UBE2H: variants seen among roughly 807,000 people sequenced by gnomAD.
UBE2H encodes the protein ubiquitin-conjugating enzyme E2 H.
In UBE2H, 3 loss-of-function variants were observed where a neutral mutation model predicts 29.0. The ratio of observed to expected loss-of-function variants is 0.10; its 90% confidence interval spans 0.05 to 0.27. The LOEUF (loss-of-function observed/expected upper bound fraction) is 0.27. Among genes scored for constraint, UBE2H ranks in the 10% least tolerant of loss-of-function variants. The pLI is 1.00. For missense variants in UBE2H, 68 were observed against 228.2 expected, an observed-to-expected ratio of 0.30 and a Z score of 4.52; for synonymous variants, 69 against 82.9, an observed-to-expected ratio of 0.83 and a Z score of 0.91.
At chr7:129,842,043 G>A (rs1805437940) in intron 5 of UBE2H, among the ~76,000 whole-genome samples, 1 of 152,218 alleles carries the variant, frequency 6.6e-6, no homozygotes, top group South Asian at 2.1e-4. Context: ...TTACAACTAT[G>A]TACAGTGTGT....
intron 5 of UBE2H, among the ~76,000 whole-genome samples, chr7:129,854,180 T>G (rs1410411209): frequency 2.7e-5 from 4 of 149,254 alleles, no homozygotes. Context: ...AATTATGAAC[T>G]AACCTTCAAT....
At position 129,881,963 on chromosome 7, in the gene UBE2H, T is replaced by A. The variant is rs577932249; in HGVS notation, c.54-992A>T. On this transcript the variant is annotated intron_variant, in intron 1 of 6. Coordinates refer to ENST00000355621, the MANE Select transcript of UBE2H (RefSeq NM_003344.4). ...AAAAGACCAACAAAACAAAAAAAAA[T>A]TTTTTCAGATCTTATCCATAGCATC... Among the ~76,000 whole-genome samples, 81 of 151,962 alleles carry A rather than the reference T, an allele frequency of 5.3e-4. No individual in the cohort carries two copies. In the South Asian group the frequency reaches 9.2e-3, roughly 17 times the overall value.
intron 1 of UBE2H, among the ~76,000 whole-genome samples, chr7:129,919,722 T>C (rs577133596): frequency 6.6e-6 from 1 of 152,306 alleles, no homozygotes; most frequent in South Asian, 2.1e-4. Context: ...ATCTCTCTCC[T>C]AGAATGCAAG....
intron 5 of UBE2H, among the ~76,000 whole-genome samples, chr7:129,853,806 C>T (rs1805654692): frequency 6.6e-6 from 1 of 152,160 alleles, no homozygotes; most frequent in African/African-American, 2.4e-5. Flanking sequence ...TAATATCAGG[C>T]TATGATTAAC....
At chr7:129,845,034 G>T (rs1259734035) in intron 5 of UBE2H, among the ~76,000 whole-genome samples, 1 of 152,188 alleles carries the variant, frequency 6.6e-6, no homozygotes, top group Admixed American at 6.5e-5. Context: ...GGAGGCTGAG[G>T]CAGGAGAATT....
intron 1 of UBE2H, among the ~76,000 whole-genome samples, chr7:129,929,026 T>C (rs980081856): frequency 1.3e-5 from 2 of 151,600 alleles, no homozygotes; most frequent in East Asian, 1.9e-4. Flanking sequence ...CTGATAAGAG[T>C]AACATTTAGG....
At chr7:129,861,342 C>G (rs1222838138) in intron 3 of UBE2H, among the ~76,000 whole-genome samples, 2 of 152,076 alleles carry the variant, frequency 1.3e-5, no homozygotes, top group African/African-American at 4.8e-5. Flanking sequence ...AAAGTAAGTA[C>G]AAATGTTAAC....
chr7:129,868,351 C>T (rs550613379), intron 3 of UBE2H, among the ~76,000 whole-genome samples: 1 of 151,968 alleles, frequency 6.6e-6, no homozygotes, highest in East Asian at 1.9e-4. Context: ...GAGGCCGAGG[C>T]GGGTGGATCA....
intron 5 of UBE2H, among the ~76,000 whole-genome samples, chr7:129,856,410 C>A (rs1757259683): frequency 1.3e-5 from 2 of 152,078 alleles, no homozygotes; most frequent in Admixed American, 1.3e-4. Flanking sequence ...CTGGGCCTTA[C>A]AGATGAATCA....
intron 6 of UBE2H, among the ~76,000 whole-genome samples, chr7:129,836,306 G>A (rs541837411): frequency 6.6e-6 from 1 of 152,214 alleles, no homozygotes; most frequent in South Asian, 2.1e-4. Flanking sequence ...CCTCTTTAAT[G>A]TATTCAAGGA....
intron 1 of UBE2H, among the ~76,000 whole-genome samples, chr7:129,896,030 G>A (rs748248915): frequency 3.3e-5 from 5 of 152,002 alleles, no homozygotes; most frequent in Non-Finnish European, 7.4e-5. Flanking sequence ...TGGTATTCAA[G>A]TTTCCAGTGT....
chr7:129,952,370 G>A (rs574913884), intron 1 of UBE2H, 133 bp downstream of exon 1: 436 of 1,129,946 alleles, frequency 3.9e-4, no homozygotes, highest in African/African-American at 2.6e-3. Context: ...GCCGCCGTAG[G>A]CACTGGGGGA....
At chr7:129,856,578 G>A (rs907740044) in intron 5 of UBE2H, among the ~76,000 whole-genome samples, 1 of 152,204 alleles carries the variant, frequency 6.6e-6, no homozygotes, top group Non-Finnish European at 1.5e-5. Context: ...GAGAATCAGC[G>A]GAAGTATACG....
At position 129,830,917 on chromosome 7, in the gene UBE2H, CA is replaced by C. The variant is rs1805214001; in HGVS notation, c.*4019del. On this transcript the variant is annotated 3_prime_UTR_variant, in exon 7 of 7. Coordinates refer to ENST00000355621, the MANE Select transcript of UBE2H (RefSeq NM_003344.4). ...AGGAAAAATAAGCGATAAAAAGCTT[CA>C]GATTTCAGTTAGGGGCTGGCAGTCC... 1 of 150,600 alleles carries C rather than the reference CA, an allele frequency of 6.6e-6. No individual in the cohort carries two copies. Among genetic ancestry groups the C allele is most frequent in the Non-Finnish European group, 1.5e-5 (1 of 67,794 alleles). The allele number at this position is 150,600 out of a possible 1,614,324, so 9.3% of individuals were successfully genotyped here.
intron 5 of UBE2H, among the ~76,000 whole-genome samples, chr7:129,845,083 T>C (rs1018677844): frequency 1.3e-5 from 2 of 152,304 alleles, no homozygotes; most frequent in Non-Finnish European, 1.5e-5. Context: ...TGAGCTGAGA[T>C]TGTACCACTG....
At chr7:129,853,149 G>T (rs1805641202) in intron 5 of UBE2H, among the ~76,000 whole-genome samples, 2 of 152,214 alleles carry the variant, frequency 1.3e-5, no homozygotes, top group Non-Finnish European at 1.5e-5. Flanking sequence ...TGGGATGAGA[G>T]AGAGATTAAA....
intron 3 of UBE2H, chr7:129,864,956 C>T (rs12537336): frequency 0.062 from 19,691 of 319,116 alleles, 769 homozygotes; most frequent in Non-Finnish European, 0.086. Context: ...TTCTAGCACT[C>T]GTTAAAGGGG....
chr7:129,933,616 T>G (rs948210594), intron 1 of UBE2H, among the ~76,000 whole-genome samples: 1 of 151,546 alleles, frequency 6.6e-6, no homozygotes, highest in East Asian at 2.0e-4. Flanking sequence ...AAATGAACAC[T>G]ACATAAAAAG....
chr7:129,949,019 A>G (rs1310803989), intron 1 of UBE2H: 1 of 456,744 alleles, frequency 2.2e-6, no homozygotes, highest in Non-Finnish European at 4.4e-6. Context: ...AGGGCGGCCA[A>G]TGAGCGCTGA....
Sources: gnomAD v4.1 joint callset for allele counts (sites outside exome capture counted in the v4.1 genomes callset) on GRCh38, gnomAD v4.1.1 for gene constraint, MANE v1.5 for transcripts, NCBI Gene and HGNC (gene_info 2026-07-23, HGNC 2026-07-21) for gene names.